ZNF729: variants seen among roughly 807,000 people sequenced by gnomAD.
The protein encoded by ZNF729 is zinc finger protein 729.
ZNF729 carries 15 observed loss-of-function variants against 12.2 expected under a neutral mutation model. The observed-to-expected ratio is 1.23, with a 90% CI of 0.82 to 1.89. The LOEUF is 1.89. Among genes scored for constraint, ZNF729 ranks in the 40% most tolerant of loss-of-function variants. The probability of loss-of-function intolerance (pLI) is 0.00; values close to 1 mark genes in which losing one functional copy is unlikely to be tolerated. For missense variants in ZNF729, 1,540 were observed against 1,456.7 expected (o/e 1.06, Z -0.93); for synonymous variants, 492 against 476.3 (o/e 1.03, Z -0.43).
Position 22,315,768 on chromosome 19 carries a change from T to C in ZNF729, c.2351T>C (p.Met784Thr), listed in dbSNP as rs1238611507. 1.2e-6 allele frequency: 2 copies of C among 1,606,428 alleles called. No homozygotes were observed. Among genetic ancestry groups the C allele is most frequent in the Non-Finnish European group, 8.5e-7 (1 of 1,178,602 alleles). Residue 784 changes from methionine to threonine, a missense_variant, in exon 4 of 4, where the codon ATG becomes ACG. Coordinates refer to ENST00000601693, the MANE Select transcript of ZNF729 (RefSeq NM_001242680.2). ...VKAFNSFSALMKHKVIHTGEK... is the reference protein window; with the variant it reads ...VKAFNSFSALTKHKVIHTGEK... ...GCTTTTAACAGTTTCTCAGCCCTTA[T>C]GAAACATAAGGTAATTCATACTGGA...
At position 22,315,054 on chromosome 19, in the gene ZNF729, G is replaced by A. The variant is rs755345780; in HGVS notation, c.1637G>A (p.Cys546Tyr). The A allele has an allele frequency of 9.3e-6, 15 of 1,611,242 alleles. No homozygotes were observed. Among genetic ancestry groups the A allele is most frequent in the Non-Finnish European group, 1.2e-5 (14 of 1,179,768 alleles). Residue 546 changes from cysteine to tyrosine, a missense_variant, in exon 4 of 4, where the codon TGT (cysteine) becomes TAT (tyrosine). By Grantham distance (194) the Cys-to-Tyr change is radical. Transcript: ENST00000601693. ...IIHTGEKPYK[C>Y]EECGKAFKWS... Reference sequence around the variant, plus strand: ...CATACTGGAGAGAAACCCTACAAATGTGAAGAATGTGGTAAAGCTTTTAAG... The same window carrying A: ...CATACTGGAGAGAAACCCTACAAATATGAAGAATGTGGTAAAGCTTTTAAG...
intron 3 of ZNF729, among the ~76,000 whole-genome samples, chr19:22,307,545 A>G (rs1968395046): frequency 1.3e-5 from 2 of 151,150 alleles, no homozygotes; most frequent in African/African-American, 4.9e-5. Context: ...GGAGTTTGAG[A>G]CTAGCCTGAC....
At chr19:22,312,569 G>A (rs1253301438) in intron 3 of ZNF729, among the ~76,000 whole-genome samples, 1 of 151,958 alleles carries the variant, frequency 6.6e-6, no homozygotes, top group Non-Finnish European at 1.5e-5. Flanking sequence ...CAGTGCTGCT[G>A]TAACATCTAA....
rs750987929 is a variant in ZNF729 at position 22,314,241 on chromosome 19, A to C, written c.824A>C (p.Gln275Pro). 19 of 1,607,700 alleles carry C rather than the reference A, an allele frequency of 1.2e-5. No individual in the cohort carries two copies. In the South Asian group the frequency reaches 2.0e-4, roughly 17 times the overall value. ...RCEECGKAFN[Q>P]SSNLTDHKRI... ...GAAGAATGTGGCAAAGCTTTTAACC[A>C]GTCCTCAAATCTTACTGACCATAAG... The change falls in exon 4 of 4, where the codon CAG (glutamine) becomes CCG (proline). Residue 275 changes from glutamine (Q) to proline (P), a missense_variant. Coordinates refer to ENST00000601693, the MANE Select transcript of ZNF729 (RefSeq NM_001242680.2).
At chr19:22,289,976 A>T (rs1968131725) in intron 1 of ZNF729, among the ~76,000 whole-genome samples, 1 of 152,350 alleles carries the variant, frequency 6.6e-6, no homozygotes, top group South Asian at 2.1e-4. Context: ...CATAAAATGT[A>T]AGCACCTTAA....
chr19:22,294,359 G>A (rs766859408), intron 1 of ZNF729, among the ~76,000 whole-genome samples: 26 of 152,124 alleles, frequency 1.7e-4, no homozygotes, highest in Non-Finnish European at 3.1e-4. Flanking sequence ...TGCGGCTTTG[G>A]TTACAGTAGC....
chr19:22,302,706 C>T (rs193052922), intron 1 of ZNF729, among the ~76,000 whole-genome samples: 1 of 152,308 alleles, frequency 6.6e-6, no homozygotes, highest in South Asian at 2.1e-4. Flanking sequence ...CACTCCCTGG[C>T]CAAGTTCTGT....
chr19:22,297,641 GTAGA>G (rs1378148459), intron 1 of ZNF729, among the ~76,000 whole-genome samples: 4 of 83,926 alleles, frequency 4.8e-5, no homozygotes, highest in African/African-American at 4.1e-4. Context: ...TTGCTTTGGT[GTAGA>G]TATATATATA....
intron 3 of ZNF729, among the ~76,000 whole-genome samples, chr19:22,307,319 T>G (rs1392597137): frequency 1.9e-5 from 1 of 53,330 alleles, no homozygotes; most frequent in Admixed American, 1.5e-4. Flanking sequence ...ATGTAGCATT[T>G]TTTTTTTTTT....
chr19:22,286,621 T>A (rs1968081527), intron 1 of ZNF729, 66 bp downstream of exon 1: 1 of 1,605,272 alleles, frequency 6.2e-7, no homozygotes, highest in Non-Finnish European at 8.5e-7. Flanking sequence ...GGGAAGTGGC[T>A]GTGGCGGGAC....
chr19:22,287,454 C>T (rs181468118), intron 1 of ZNF729, among the ~76,000 whole-genome samples: 2 of 151,724 alleles, frequency 1.3e-5, no homozygotes, highest in African/African-American at 2.4e-5. Context: ...TTAGTAGAGA[C>T]GGGGGTTTCT....
rs1235063774 is a variant in ZNF729 at position 22,316,826 on chromosome 19, T to C, written c.3409T>C (p.Cys1137Arg). ...TGEKPYKCEE[C>R]GKAFSQSSIL... ...GGAGAAACCCTACAAATGTGAAGAA[T>C]GTGGCAAAGCCTTTAGTCAGTCCTC... Residue 1137 changes from cysteine (C) to arginine (R), a missense_variant, in exon 4 of 4, where the codon TGT becomes CGT. Transcript: ENST00000601693. The C allele has an allele frequency of 1.2e-6, 2 of 1,613,286 alleles. No homozygotes were observed. The highest frequency in any genetic ancestry group is 1.1e-5 in the South Asian group (1 of 91,074).
At position 22,314,471 on chromosome 19, in the gene ZNF729, G is replaced by C. The variant is rs1968495549; in HGVS notation, c.1054G>C (p.Glu352Gln). 6.2e-7 allele frequency: 1 copy of C among 1,608,580 alleles called. No individual in the cohort carries two copies. The highest frequency in any genetic ancestry group is 1.3e-5 in the African/African-American group (1 of 74,808). The change falls in exon 4 of 4, where the codon GAA becomes CAA. Residue 352 changes from glutamate (E) to glutamine (Q), a missense_variant. Coordinates refer to ENST00000601693, the MANE Select transcript of ZNF729 (RefSeq NM_001242680.2). ...HTGKKPYKRE[E>Q]CGKAFSQSST... ...TGGAAAGAAACCCTACAAGCGTGAA[G>C]AATGTGGCAAAGCTTTTAGCCAGTC...
chr19:22,303,952 T>C (rs761668928), intron 2 of ZNF729, 68 bp downstream of exon 2: 26 of 1,446,786 alleles, frequency 1.8e-5, no homozygotes, highest in Non-Finnish European at 2.3e-5. Context: ...TTCTGTAGAA[T>C]GTGTTTTGGT....
intron 3 of ZNF729, among the ~76,000 whole-genome samples, chr19:22,313,064 C>CTT (rs148237802): frequency 1.1e-4 from 16 of 147,348 alleles, no homozygotes; most frequent in East Asian, 8.0e-4. Context: ...TGGCAATTTC[C>CTT]TTTTTTTTTT....
intron 3 of ZNF729, among the ~76,000 whole-genome samples, chr19:22,312,832 A>G (rs141970384): frequency 1.6e-3 from 242 of 151,424 alleles, no homozygotes; most frequent in African/African-American, 5.6e-3. Flanking sequence ...TCCTGCCTCA[A>G]CCTCCCTAGT....
In ZNF729 at chr19:22,304,857, T is replaced by C. The variant is rs189709548; in HGVS notation, c.253+74T>C. On this transcript the variant is annotated intron_variant, in intron 3 of 3. Coordinates refer to ENST00000601693, the MANE Select transcript of ZNF729 (RefSeq NM_001242680.2). Reference sequence around the variant, plus strand: ...TCAAGGAGAAAGCCAGTTCTCAAAATGTGACCTGAGAAGCTGTGCTCCAAA... The same window carrying C: ...TCAAGGAGAAAGCCAGTTCTCAAAACGTGACCTGAGAAGCTGTGCTCCAAA... 8.4e-5 allele frequency: 122 copies of C among 1,460,676 alleles called. No homozygotes were observed. In the East Asian group the frequency reaches 1.7e-3, roughly 20 times the overall value. The allele number at this position is 1,460,676 out of a possible 1,614,324, so 90.5% of individuals were successfully genotyped here. A position where few individuals can be genotyped will look rare whatever the true frequency, so the allele number is the denominator to read the frequency against.
chr19:22,296,928 G>T (rs1230287), intron 1 of ZNF729, among the ~76,000 whole-genome samples: 1 of 152,174 alleles, frequency 6.6e-6, no homozygotes, highest in Non-Finnish European at 1.5e-5. Context: ...TTGTAATTTT[G>T]TCAAGCTGTG....
intron 3 of ZNF729, among the ~76,000 whole-genome samples, chr19:22,306,898 A>G (rs527645444): frequency 6.4e-4 from 97 of 151,714 alleles, no homozygotes; most frequent in African/African-American, 2.1e-3. Context: ...TTTTTATGTT[A>G]TCTAGAATCA....
Sources: gnomAD v4.1 joint callset for allele counts (sites outside exome capture counted in the v4.1 genomes callset) on GRCh38, gnomAD v4.1.1 for gene constraint, MANE v1.5 for transcripts, NCBI Gene and HGNC (gene_info 2026-07-23, HGNC 2026-07-21) for gene names.